The following COX11 variants were observed in gnomAD, a reference collection of about 807,000 sequenced individuals.
COX11 encodes cytochrome c oxidase copper chaperone COX11.
In COX11, 18 loss-of-function variants were observed where a neutral mutation model predicts 29.4. The observed-to-expected ratio is 0.61, with a 90% CI of 0.42 to 0.91. The LOEUF is 0.91. COX11 is among the 40% of genes least tolerant of loss of function. The pLI is 0.00. For missense variants in COX11, 312 were observed against 346.0 expected (o/e 0.90, Z 0.78); for synonymous variants, 131 against 124.0 (o/e 1.06, Z -0.38).
intron 1 of COX11, among the ~76,000 whole-genome samples, chr17:54,967,200 C>A (rs900757120): frequency 6.6e-6 from 1 of 152,122 alleles, no homozygotes; most frequent in Non-Finnish European, 1.5e-5. Flanking sequence ...CCACTGTGGC[C>A]TTGTGATAAA....
rs990049777 is a variant in COX11, at chr17:54,960,559, G to A, written c.*2174C>T. 1.9e-6 allele frequency: 3 copies of A among 1,612,090 alleles called. No individual in the cohort carries two copies. The highest frequency in any genetic ancestry group is 2.5e-6 in the Non-Finnish European group (3 of 1,178,972). On this transcript the variant is annotated 3_prime_UTR_variant, in exon 4 of 4. Transcript: ENST00000299335. ...ATAACCCTTTTGCTGTGATGGCTTT[G>A]TTTCAGAGCTATTTATGAAGAAATT...
upstream of COX11, chr17:54,968,696 C>T (rs371455260): frequency 6.4e-7 from 1 of 1,570,482 alleles, no homozygotes; most frequent in Admixed American, 1.8e-5. Context: ...GAGGTCAAAT[C>T]TCGCGAGGCG....
At position 54,962,064 on chromosome 17, in the gene COX11, G is replaced by A; in HGVS notation, c.*669C>T. On this transcript the variant is annotated 3_prime_UTR_variant, in exon 4 of 4. Coordinates refer to ENST00000299335, the MANE Select transcript of COX11 (RefSeq NM_004375.5). ...TTTTAACATTCATGGACTTGTAATG[G>A]TGATGCTTTGGCTAACAGCCTAGTA... 1.0e-6 allele frequency: 1 copy of A among 983,326 alleles called. No homozygotes were observed. The highest frequency in any genetic ancestry group is 1.2e-6 in the Non-Finnish European group (1 of 828,210). The allele number at this position is 983,326 out of a possible 1,614,324, so 60.9% of individuals were successfully genotyped here.
intron 3 of COX11, 105 bp from the exon 4 acceptor site, chr17:54,963,020 A>G: frequency 1.0e-6 from 1 of 994,980 alleles, no homozygotes; most frequent in Non-Finnish European, 1.5e-6. Context: ...CGTGATTTTA[A>G]TAAGCATACT....
At position 54,963,791 on chromosome 17, in the gene COX11, T is replaced by C. The variant is rs375672747; in HGVS notation, c.523-360A>G. On this transcript the variant is annotated intron_variant, in intron 2 of 3. Coordinates refer to ENST00000299335, the MANE Select transcript of COX11 (RefSeq NM_004375.5). ...TAACACTTATACCTGAATGTCATGA[T>C]TGACTATTTTTTTTAAAAAGATACC... Among the ~76,000 whole-genome samples, 235 of 152,180 alleles carry C rather than the reference T, an allele frequency of 1.5e-3. 7 individuals are homozygous for C. The South Asian group carries it at 0.046, about 30-fold the overall frequency.
At chr17:54,957,190 C>T (rs1038089287), downstream of COX11, 1 of 152,264 alleles carries the variant, frequency 6.6e-6, no homozygotes, top group African/African-American at 2.4e-5. Context: ...CTTTGGCTGA[C>T]ATGTGTAGAC....
rs1396806193 is a variant in COX11, at chr17:54,961,053, C to T, written c.*1680G>A. ...CCATGTATTTACTATTTAATGGTCA[C>T]CAATGAACTATCAAAACTTATTTAT... On this transcript the variant is annotated 3_prime_UTR_variant, in exon 4 of 4. Coordinates refer to ENST00000299335, the MANE Select transcript of COX11 (RefSeq NM_004375.5). 1.6e-6 allele frequency: 1 copy of T among 606,754 alleles called. No individual in the cohort carries two copies. The highest frequency in any genetic ancestry group is 2.9e-6 in the Non-Finnish European group (1 of 344,428). 37.6% of individuals were successfully genotyped at this position (606,754 alleles called of 1,614,324 possible).
Position 54,960,529 on chromosome 17 carries a change from G to A in COX11, c.*2204C>T. The A allele has an allele frequency of 1.9e-6, 3 of 1,571,682 alleles. No individual in the cohort carries two copies. The highest frequency in any genetic ancestry group is 2.6e-6 in the Non-Finnish European group (3 of 1,143,210). ...AAAACCAAAATAGCACTTTGAAATT[G>A]ATACATAACCCTTTTGCTGTGATGG... On this transcript the variant is annotated 3_prime_UTR_variant, in exon 4 of 4. Transcript: ENST00000299335.
chr17:54,967,667 G>A (rs1250981112), intron 1 of COX11, among the ~76,000 whole-genome samples: 1 of 127,772 alleles, frequency 7.8e-6, no homozygotes, highest in Non-Finnish European at 1.5e-5. Context: ...ACAGGTTCCC[G>A]GGTGATGCTG....
chr17:54,966,067 T>A (rs189524805), intron 1 of COX11, among the ~76,000 whole-genome samples: 1 of 152,344 alleles, frequency 6.6e-6, no homozygotes, highest in East Asian at 1.9e-4. Flanking sequence ...AATTACATTA[T>A]ATCCCTAAAA....
chr17:54,953,544 C>T (rs537257711), exon 1 of COX11: 1 of 152,426 alleles, frequency 6.6e-6, no homozygotes, highest in South Asian at 2.1e-4. Context: ...CCTTCCCTCT[C>T]TGGGGATGAT....
At chr17:54,964,160 T>A (rs2077180326) in intron 2 of COX11, among the ~76,000 whole-genome samples, 1 of 152,182 alleles carries the variant, frequency 6.6e-6, no homozygotes, top group African/African-American at 2.4e-5. Flanking sequence ...AAATCTTTCT[T>A]ACAGTTGGTT....
downstream of COX11, chr17:54,958,254 G>A (rs929404987): frequency 1.3e-5 from 2 of 152,230 alleles, no homozygotes; most frequent in Non-Finnish European, 2.9e-5. Flanking sequence ...GGGCAGACAA[G>A]TAAGATAAGA....
At chr17:54,952,404 A>G (rs1385361240) in exon 1 of COX11, 1 of 151,952 alleles carries the variant, frequency 6.6e-6, no homozygotes, top group East Asian at 1.9e-4. Context: ...AAAATTAGGC[A>G]GGTGTGGTGG....
chr17:54,958,779 C>T (rs184082079), downstream of COX11, among the ~76,000 whole-genome samples: 89 of 146,082 alleles, frequency 6.1e-4, no homozygotes, highest in African/African-American at 2.1e-3. Flanking sequence ...GATACTAAGG[C>T]ATTTACTACA....
chr17:54,965,616 C>T (rs192581819), intron 1 of COX11, among the ~76,000 whole-genome samples: 1 of 152,236 alleles, frequency 6.6e-6, no homozygotes, highest in East Asian at 1.9e-4. Flanking sequence ...ATCATGAGGT[C>T]AGGAGATGGA....
chr17:54,952,991 C>T (rs1235384699), exon 1 of COX11: 2 of 152,174 alleles, frequency 1.3e-5, no homozygotes, highest in African/African-American at 4.8e-5. Context: ...TCTTTTATTT[C>T]CTTTATGAGA....
chr17:54,958,468 C>CCGTG (rs1487418935), downstream of COX11: 1 of 152,230 alleles, frequency 6.6e-6, no homozygotes, highest in East Asian at 1.9e-4. Flanking sequence ...CGGTGGCTCA[C>CCGTG]GCCTATAATC....
exon 1 of COX11, chr17:54,954,864 C>T (rs2049413967): frequency 6.6e-6 from 1 of 152,216 alleles, no homozygotes. Context: ...TTCCCATTTA[C>T]CATGTTTCTT....
Sources: allele counts gnomAD v4.1 joint callset (sites outside exome capture counted in the v4.1 genomes callset), GRCh38; gene constraint gnomAD v4.1.1; transcripts MANE v1.5; gene names NCBI Gene and HGNC (gene_info 2026-07-23, HGNC 2026-07-21).